Variants in DNAH7 observed in about 807,000 individuals in gnomAD.
DNAH7 encodes axonemal beta dynein heavy chain 7.
A neutral mutation model predicts 444.6 loss-of-function variants in DNAH7; 397 were observed. The ratio of observed to expected loss-of-function variants is 0.89; its 90% confidence interval spans 0.82 to 0.97. The LOEUF (loss-of-function observed/expected upper bound fraction) is 0.97. DNAH7 is among the 50% of genes least tolerant of loss of function. The probability of loss-of-function intolerance (pLI) is 0.00; values close to 1 mark genes in which losing one functional copy is unlikely to be tolerated. For synonymous variants in DNAH7, 1,636 were observed against 1,624.4 expected (o/e 1.01, Z -0.17); for missense variants, 4,902 against 4,800.8 (o/e 1.02, Z -0.62).
At chr2:195,887,212 A>C (rs1462997361) in intron 33 of DNAH7, among the ~76,000 whole-genome samples, 2 of 149,994 alleles carry the variant, frequency 1.3e-5, no homozygotes, top group African/African-American at 2.5e-5. Context: ...TTTCAGTTAC[A>C]TAGAAAATTC....
intron 8 of DNAH7, among the ~76,000 whole-genome samples, chr2:196,022,977 G>A (rs1386659552): frequency 3.3e-5 from 5 of 152,192 alleles, no homozygotes; most frequent in African/African-American, 1.2e-4. Flanking sequence ...TTGGGGAACA[G>A]TTGATCCCAA....
chr2:195,834,933 C>G (rs531894818), intron 47 of DNAH7, among the ~76,000 whole-genome samples: 2 of 152,314 alleles, frequency 1.3e-5, no homozygotes, highest in South Asian at 4.1e-4. Context: ...AGTGTTAACA[C>G]AATTGTTGAC....
chr2:195,858,696 T>G lies in DNAH7; in HGVS notation c.7845A>C (p.Gln2615His), dbSNP rs1465182048. 1 of 1,614,106 alleles carries G rather than the reference T, an allele frequency of 6.2e-7. No homozygotes were observed. The change falls in exon 43 of 65, where the codon CAA (glutamine) becomes CAC (histidine). Residue 2615 changes from glutamine to histidine, a missense_variant. Physicochemically the swap from Gln to His is conservative, Grantham distance 24. Transcript: ENST00000312428. ...CAACCTCTTTGCTAGCAACTTTTAA[T>G]TGAGGATGTAGTGCCTCCAACTCCA... ...MQMELEALHP[Q>H]LKVASKEVDE...
chr2:195,998,349 CG>C (rs1488290993), intron 12 of DNAH7, among the ~76,000 whole-genome samples: 1 of 152,036 alleles, frequency 6.6e-6, no homozygotes, highest in African/African-American at 2.4e-5. Context: ...CAGAGGTGGG[CG>C]GATCACGAGG....
chr2:196,007,326 AAG>A (rs1694437970), intron 10 of DNAH7, among the ~76,000 whole-genome samples: 2 of 152,220 alleles, frequency 1.3e-5, no homozygotes, highest in Admixed American at 1.3e-4. Flanking sequence ...ACTCACTCAG[AAG>A]AGTCTTGCAC....
At chr2:196,017,597 G>GA (rs1319698981) in intron 9 of DNAH7, among the ~76,000 whole-genome samples, 20 of 151,644 alleles carry the variant, frequency 1.3e-4, no homozygotes, top group African/African-American at 4.4e-4. Context: ...AATATTACAA[G>GA]AAAAAAATAG....
chr2:195,872,524 G>A (rs957515142), intron 39 of DNAH7, 55 bp from the exon 40 acceptor site: 108 of 1,211,022 alleles, frequency 8.9e-5, no homozygotes, highest in Admixed American at 3.1e-4. Flanking sequence ...ATAGAATTAC[G>A]ACACAAAAAG....
At chr2:195,828,306 C>T (rs899408734) in intron 48 of DNAH7, among the ~76,000 whole-genome samples, 4 of 152,026 alleles carry the variant, frequency 2.6e-5, no homozygotes, top group South Asian at 2.1e-4. Context: ...TCTGCCAGGC[C>T]GGGCACAGTG....
chr2:195,914,139 C>T (rs150281777), intron 24 of DNAH7, among the ~76,000 whole-genome samples: 2 of 152,308 alleles, frequency 1.3e-5, no homozygotes, highest in East Asian at 3.9e-4. Context: ...TAATATTTCA[C>T]TCAGTACACT....
At chr2:195,774,590 G>C (rs1284143673) in intron 60 of DNAH7, among the ~76,000 whole-genome samples, 2 of 152,212 alleles carry the variant, frequency 1.3e-5, no homozygotes, top group Non-Finnish European at 2.9e-5. Flanking sequence ...AAACTGGTAG[G>C]AGCCAGACCG....
chr2:195,748,207 C>T (rs1418663069), intron 63 of DNAH7, among the ~76,000 whole-genome samples: 1 of 152,064 alleles, frequency 6.6e-6, no homozygotes, highest in Non-Finnish European at 1.5e-5. Flanking sequence ...AAACAGAGAG[C>T]CAAATCATGA....
At chr2:195,907,402 G>A (rs939922859) in intron 25 of DNAH7, among the ~76,000 whole-genome samples, 1 of 152,038 alleles carries the variant, frequency 6.6e-6, no homozygotes, top group Non-Finnish European at 1.5e-5. Context: ...ACTGCCTTGT[G>A]GTTTGAGCAC....
At chr2:195,905,357 C>T (rs940367784) in intron 27 of DNAH7, 1 of 152,116 alleles carries the variant, frequency 6.6e-6, no homozygotes, top group African/African-American at 2.4e-5. Flanking sequence ...AGAGGATTTA[C>T]CATTTTTCAT....
In DNAH7 at chr2:195,923,722, C is replaced by G; in HGVS notation, c.3698G>C (p.Arg1233Pro). 1.9e-6 allele frequency: 3 copies of G among 1,614,018 alleles called. No individual in the cohort carries two copies. The highest frequency in any genetic ancestry group is 2.5e-6 in the Non-Finnish European group (3 of 1,180,004). ...LVRGKLSMQNRVTLGALVVLD... is the reference protein window; with the variant it reads ...LVRGKLSMQNPVTLGALVVLD... ...TACCACAAGTGCTCCCAGAGTTACG[C>G]GATTCTGCATGGACAATTTGCCACG... Residue 1233 changes from arginine to proline, a missense_variant, in exon 23 of 65, where the codon CGC becomes CCC. Coordinates refer to ENST00000312428, the MANE Select transcript of DNAH7 (RefSeq NM_018897.3).
intron 10 of DNAH7, among the ~76,000 whole-genome samples, chr2:196,011,734 A>G (rs1694737785): frequency 6.6e-6 from 1 of 152,228 alleles, no homozygotes. Context: ...ATCAAGAGAT[A>G]CAGCTAATCA....
rs370969128 is a variant in DNAH7, at chr2:195,771,870, A to G, written c.11223T>C (p.Gly3741=). ...LLTQSRSAGA[G]AKSSDEVVNE... is the part of the protein sequence containing the mutation. ...TCACTACTTCATCTGATGATTTTGC[A>G]CCAGCACCTGCTGAACGAGACTATG... Residue 3741 remains glycine (G), a synonymous_variant, in exon 61 of 65, where the codon GGT becomes GGC. Coordinates refer to ENST00000312428, the MANE Select transcript of DNAH7 (RefSeq NM_018897.3). 1.4e-5 allele frequency: 22 copies of G among 1,614,104 alleles called. No homozygotes were observed. In the Admixed American group the frequency reaches 2.5e-4, roughly 18 times the overall value.
At chr2:195,874,403 G>GA (rs1204654974) in intron 38 of DNAH7, among the ~76,000 whole-genome samples, 7 of 152,158 alleles carry the variant, frequency 4.6e-5, no homozygotes, top group African/African-American at 1.4e-4. Context: ...AGAATGTTCA[G>GA]AATTGTGATA....
intron 5 of DNAH7, among the ~76,000 whole-genome samples, chr2:196,029,591 T>G (rs1419835690): frequency 6.6e-6 from 1 of 152,114 alleles, no homozygotes; most frequent in Non-Finnish European, 1.5e-5. Flanking sequence ...ATATTATTTA[T>G]AATCCTCACA....
chr2:195,757,010 T>C (rs923745931), intron 61 of DNAH7, among the ~76,000 whole-genome samples: 6 of 150,300 alleles, frequency 4.0e-5, no homozygotes, highest in African/African-American at 1.5e-4. Context: ...AAAAAAGTTG[T>C]AGAGATGGGG....
Sources: allele counts gnomAD v4.1 joint callset (sites outside exome capture counted in the v4.1 genomes callset), GRCh38; gene constraint gnomAD v4.1.1; transcripts MANE v1.5; gene names NCBI Gene and HGNC (gene_info 2026-07-23, HGNC 2026-07-21).